Variants in TBC1D9 observed in about 807,000 individuals in gnomAD.
TBC1D9 encodes TBC1 domain family member 9, also known as TBC1 domain family member 9A.
In TBC1D9, 63 loss-of-function variants were observed where a neutral mutation model predicts 132.0. The ratio of observed to expected loss-of-function variants is 0.48; its 90% CI spans 0.39 to 0.59. The LOEUF (loss-of-function observed/expected upper bound fraction) is 0.59. TBC1D9 is among the 20% of genes least tolerant of loss of function. TBC1D9 has a pLI of 0.00. For synonymous variants in TBC1D9, 610 were observed against 609.9 expected (o/e 1.00, Z 0.00); for missense variants, 1,261 against 1,592.7 (o/e 0.79, Z 3.54).
At chr4:140,626,693 A>C (rs1261937177) in intron 18 of TBC1D9, among the ~76,000 whole-genome samples, 1 of 152,228 alleles carries the variant, frequency 6.6e-6, no homozygotes, top group Non-Finnish European at 1.5e-5. Context: ...ATAAATTTGG[A>C]GACATATATG....
intron 1 of TBC1D9, among the ~76,000 whole-genome samples, chr4:140,739,038 G>A (rs959452902): frequency 3.9e-5 from 6 of 152,138 alleles, no homozygotes; most frequent in Non-Finnish European, 2.9e-5. Context: ...TTGAGATGGA[G>A]TTTCGCTCTT....
chr4:140,628,232 C>T lies in TBC1D9; in HGVS notation c.2812+68G>A. On this transcript the variant is annotated intron_variant, in intron 17 of 20. Transcript: ENST00000442267. Reference sequence around the variant, plus strand: ...TCAAAAAGAGGACGATCAGGTTACACCTAAAACAGAGACTTCAAGCCAGGT... The same window carrying T: ...TCAAAAAGAGGACGATCAGGTTACATCTAAAACAGAGACTTCAAGCCAGGT... 3.6e-6 allele frequency: 5 copies of T among 1,405,674 alleles called. No homozygotes were observed. The East Asian group carries it at 9.1e-5, about 26-fold the overall frequency. The allele number at this position is 1,405,674 out of a possible 1,614,324, so 87.1% of individuals were successfully genotyped here. A position where few individuals can be genotyped will look rare whatever the true frequency, so the allele number is the denominator to read the frequency against.
At chr4:140,717,018 GAA>G (rs1578853996) in intron 1 of TBC1D9, among the ~76,000 whole-genome samples, 1 of 151,538 alleles carries the variant, frequency 6.6e-6, no homozygotes, top group Non-Finnish European at 1.5e-5. Flanking sequence ...ATAATACAAT[GAA>G]AGACTTGGGT....
chr4:140,642,042 G>A (rs1286251551), intron 13 of TBC1D9: 2 of 672,352 alleles, frequency 3.0e-6, no homozygotes, highest in Non-Finnish European at 5.5e-6. Context: ...ACTGCTTCCT[G>A]CTGGTGGCTG....
chr4:140,684,829 T>A (rs1019166492), intron 3 of TBC1D9, among the ~76,000 whole-genome samples: 4 of 150,280 alleles, frequency 2.7e-5, no homozygotes, highest in Non-Finnish European at 5.9e-5. Flanking sequence ...AAACTCTGTC[T>A]CAATAAATAA....
At chr4:140,669,190 G>A (rs1482521551) in intron 8 of TBC1D9, 123 bp from the exon 9 acceptor site, 3 of 980,168 alleles carry the variant, frequency 3.1e-6, no homozygotes, top group Admixed American at 2.8e-5. Flanking sequence ...GAAGTCATGA[G>A]AAAAAGGAAC....
chr4:140,730,037 C>G (rs1738563530), intron 1 of TBC1D9, among the ~76,000 whole-genome samples: 1 of 152,082 alleles, frequency 6.6e-6, no homozygotes, highest in African/African-American at 2.4e-5. Context: ...TTTATGCCTT[C>G]CCCCGTATAG....
intron 13 of TBC1D9, chr4:140,645,231 G>T: frequency 1.9e-6 from 1 of 534,248 alleles, no homozygotes. Flanking sequence ...CTGGTGTCTG[G>T]CCCGGTGTCC....
chr4:140,709,240 T>TCA (rs1738192916), intron 1 of TBC1D9, among the ~76,000 whole-genome samples: 6 of 109,542 alleles, frequency 5.5e-5, no homozygotes, highest in African/African-American at 2.3e-4. Flanking sequence ...TCTCTCTCTC[T>TCA]CTCTCTCTCA....
intron 2 of TBC1D9, among the ~76,000 whole-genome samples, chr4:140,688,547 A>G (rs1173453830): frequency 6.6e-6 from 1 of 152,148 alleles, no homozygotes; most frequent in Non-Finnish European, 1.5e-5. Flanking sequence ...ACACACCCAT[A>G]GTTCCTAGCT....
chr4:140,681,986 A>T (rs1737710785), intron 3 of TBC1D9, among the ~76,000 whole-genome samples: 1 of 152,224 alleles, frequency 6.6e-6, no homozygotes, highest in Non-Finnish European at 1.5e-5. Context: ...AAAGATAAAA[A>T]GAATGTCTCG....
chr4:140,704,586 A>G (rs1485631568), intron 1 of TBC1D9, among the ~76,000 whole-genome samples: 1 of 152,066 alleles, frequency 6.6e-6, no homozygotes, highest in African/African-American at 2.4e-5. Flanking sequence ...CTGGTTCTAG[A>G]ATGCTTCAAT....
chr4:140,648,470 C>T (rs1050594085), intron 13 of TBC1D9, among the ~76,000 whole-genome samples: 3 of 150,958 alleles, frequency 2.0e-5, no homozygotes, highest in African/African-American at 7.3e-5. Context: ...ACTGCAGCCT[C>T]AACCTCCTAG....
At chr4:140,670,463 C>T in intron 7 of TBC1D9, 1 of 449,146 alleles carries the variant, frequency 2.2e-6, no homozygotes, top group African/African-American at 1.9e-5. Flanking sequence ...GAGTCACTTG[C>T]TATGTAACTA....
At chr4:140,643,794 C>A in intron 13 of TBC1D9, 1 of 851,900 alleles carries the variant, frequency 1.2e-6, no homozygotes, top group Non-Finnish European at 1.9e-6. Flanking sequence ...CTCGGTGCAG[C>A]CCTGCCCGGT....
Position 140,622,208 on chromosome 4 carries a change from G to A in TBC1D9, c.3788C>T (p.Ala1263Val). 2 of 1,581,304 alleles carry A rather than the reference G, an allele frequency of 1.3e-6. No homozygotes were observed. Among genetic ancestry groups the A allele is most frequent in the Non-Finnish European group, 1.7e-6 (2 of 1,154,524 alleles). The stretch of plus-strand genomic sequence containing the variant: ...AAGGCGCCCGTGTCAGCCGGACATG[G>A]CCGAGATTTCATAGTCACTGGCCGA... The part of the protein sequence containing the change: ...LTSASDYEIS[A>V]MSG Residue 1263 changes from alanine (A) to valine (V), a missense_variant, in exon 21 of 21, where the codon GCC becomes GTC. Around this residue, in one of 3 missense-constraint regions of TBC1D9, gnomAD observed 618 missense variants for 724.4 expected, o/e 0.85. Transcript: ENST00000442267.
intron 1 of TBC1D9, among the ~76,000 whole-genome samples, chr4:140,748,345 A>G (rs1213246459): frequency 6.6e-6 from 1 of 152,216 alleles, no homozygotes; most frequent in African/African-American, 2.4e-5. Context: ...CTTAAAAGGT[A>G]ACAGACATAG....
intron 13 of TBC1D9, among the ~76,000 whole-genome samples, chr4:140,649,178 A>G (rs1220901502): frequency 1.3e-5 from 2 of 152,236 alleles, no homozygotes; most frequent in Non-Finnish European, 2.9e-5. Flanking sequence ...CAAAGCAACA[A>G]CAAAGCTCAA....
chr4:140,672,552 A>C (rs1737554787), intron 6 of TBC1D9, among the ~76,000 whole-genome samples: 1 of 152,230 alleles, frequency 6.6e-6, no homozygotes, highest in African/African-American at 2.4e-5. Context: ...TCTAAAACGC[A>C]GTTAGCTATG....
Sources: allele counts gnomAD v4.1 joint callset (sites outside exome capture counted in the v4.1 genomes callset), GRCh38; gene constraint gnomAD v4.1.1; regional missense constraint gnomAD v4.1.1; transcripts MANE v1.5; gene names NCBI Gene and HGNC (gene_info 2026-07-23, HGNC 2026-07-21).